Variants in RNF19A observed in about 807,000 individuals in gnomAD.
The protein encoded by RNF19A is E3 ubiquitin-protein ligase RNF19A.
A neutral mutation model predicts 75.7 loss-of-function variants in RNF19A; 32 were observed. The ratio of observed to expected loss-of-function variants is 0.42; its 90% CI spans 0.32 to 0.57. The LOEUF (loss-of-function observed/expected upper bound fraction) is 0.57, where lower values mean the gene tolerates loss of function less well. RNF19A is among the 20% of genes least tolerant of loss of function. The pLI is 0.10. For missense variants in RNF19A, 782 were observed against 1,036.3 expected (o/e 0.75, Z 3.37); for synonymous variants, 335 against 345.2 (o/e 0.97, Z 0.33).
At chr8:100,267,481 C>T (rs1272329324) in intron 5 of RNF19A, among the ~76,000 whole-genome samples, 1 of 152,020 alleles carries the variant, frequency 6.6e-6, no homozygotes, top group East Asian at 1.9e-4. Context: ...GCAATCCTCC[C>T]ACCTCAGCCT....
At chr8:100,272,008 T>C (rs1820278971) in intron 3 of RNF19A, among the ~76,000 whole-genome samples, 1 of 152,154 alleles carries the variant, frequency 6.6e-6, no homozygotes, top group Non-Finnish European at 1.5e-5. Context: ...ATATGGGCCA[T>C]TGTCATATTA....
chr8:100,310,207 C>T (rs982111044), upstream of RNF19A: 4 of 985,104 alleles, frequency 4.1e-6, no homozygotes, highest in South Asian at 4.7e-5. Flanking sequence ...TGCGTCATGG[C>T]GTCACGCCCA....
chr8:100,278,205 C>T lies in RNF19A; in HGVS notation c.675-3044G>A, dbSNP rs190673781. Among the ~76,000 whole-genome samples, 11 of 152,326 alleles carry T rather than the reference C, an allele frequency of 7.2e-5. No individual in the cohort carries two copies. In the East Asian group the frequency reaches 2.1e-3, roughly 29 times the overall value. Reference sequence around the variant, plus strand: ...GGCTTTGGCCTTGGCCTTTAGAATGCCAAATAAGCACATGGCTGCTTTGAT... The same window carrying T: ...GGCTTTGGCCTTGGCCTTTAGAATGTCAAATAAGCACATGGCTGCTTTGAT... On this transcript the variant is annotated intron_variant, in intron 2 of 9. Coordinates refer to ENST00000341084, the MANE Select transcript of RNF19A (RefSeq NM_183419.4).
chr8:100,298,954 A>T (rs1370478943), intron 1 of RNF19A, among the ~76,000 whole-genome samples: 1 of 152,230 alleles, frequency 6.6e-6, no homozygotes, highest in Non-Finnish European at 1.5e-5. Context: ...AGAGACATGT[A>T]AGTTTTTAAA....
chr8:100,330,611 G>A lies in RNF19A; in HGVS notation c.-243+5497C>T, dbSNP rs940225598. Reference sequence around the variant, plus strand: ...ATAAAGCCAACACAGAAAAGTGGGTGTTGGGGAGGGTGGAGAAAGAGAACG... The same window carrying A: ...ATAAAGCCAACACAGAAAAGTGGGTATTGGGGAGGGTGGAGAAAGAGAACG... On this transcript the variant is annotated intron_variant, in intron 1 of 3. Coordinates refer to the RNF19A transcript ENST00000519527. The surrounding 1 kb of genome is among the most constrained non-coding windows in gnomAD (Gnocchi z 4.1). 6.6e-6 allele frequency among the ~76,000 whole-genome samples: 1 copy of A among 152,238 alleles called. No individual in the cohort carries two copies. Among genetic ancestry groups the A allele is most frequent in the Non-Finnish European group, 1.5e-5 (1 of 68,050 alleles).
Position 100,261,551 on chromosome 8 carries a change from C to T in RNF19A, c.1673G>A (p.Cys558Tyr), listed in dbSNP as rs373196488. 1 of 1,613,834 alleles carries T rather than the reference C, an allele frequency of 6.2e-7. No individual in the cohort carries two copies. Among genetic ancestry groups the T allele is most frequent in the African/African-American group, 1.3e-5 (1 of 74,918 alleles). ...GSLSGSAMVNCFNRLEVQADV... is the reference protein window; with the variant it reads ...GSLSGSAMVNYFNRLEVQADV... ...AAACCAAAACACACACCTGTTAAAA[C>T]AGTTTACCATGGCACTTCCTGACAG... The change falls in exon 8 of 10, where the codon TGT becomes TAT. Residue 558 changes from cysteine to tyrosine, a missense_variant. By Grantham distance (194) the Cys-to-Tyr change is radical. Transcript: ENST00000341084. This position sits in a 1 kb window ranked among gnomAD's most constrained non-coding sequence, Gnocchi z 4.4.
At chr8:100,278,772 TA>T (rs934678270) in intron 2 of RNF19A, among the ~76,000 whole-genome samples, 1 of 151,844 alleles carries the variant, frequency 6.6e-6, no homozygotes, top group East Asian at 1.9e-4. Flanking sequence ...ATGATTTAAG[TA>T]AAAAAAATTA....
chr8:100,310,218 C>G, upstream of RNF19A: 1 of 985,236 alleles, frequency 1.0e-6, no homozygotes, highest in Non-Finnish European at 1.2e-6. Flanking sequence ...GTCACGCCCA[C>G]CGGGCCCGCT....
At chr8:100,281,727 T>C (rs560926255) in intron 2 of RNF19A, among the ~76,000 whole-genome samples, 2 of 152,226 alleles carry the variant, frequency 1.3e-5, no homozygotes, top group Non-Finnish European at 2.9e-5. Context: ...ATAAAGCTTT[T>C]AACATACCTT....
At chr8:100,266,978 CAGA>C (rs1279591795) in intron 5 of RNF19A, among the ~76,000 whole-genome samples, 9 of 152,214 alleles carry the variant, frequency 5.9e-5, no homozygotes, top group Middle Eastern at 3.4e-3. Flanking sequence ...AGCTGTTTTA[CAGA>C]AGAAGATCAA....
In RNF19A at chr8:100,259,997, C is replaced by A. The variant is rs776434417; in HGVS notation, c.1683G>T (p.Arg561Ser). The A allele has an allele frequency of 3.1e-6, 5 of 1,613,140 alleles. No homozygotes were observed. Among genetic ancestry groups the A allele is most frequent in the East Asian group, 2.2e-5 (1 of 44,860 alleles). The change falls in exon 9 of 10, where the codon AGG becomes AGT. Residue 561 changes from arginine (R) to serine (S), a missense_variant and splice_region_variant. By Grantham distance (110) the Arg-to-Ser change is moderately radical (BLOSUM62 -1). This residue lies in a region of RNF19A where 442 missense variants were observed against 541.6 expected (regional missense o/e 0.82). Transcript: ENST00000341084. The surrounding 1 kb of genome is among the most constrained non-coding windows in gnomAD (Gnocchi z 4.5). ...SGSAMVNCFN[R>S]LEVQADVQKE... is the part of the protein sequence containing the mutation. ...TCTGTACATCTGCTTGTACTTCCAACCTTAAAGGGGGGTATGAAATCACCA... is the reference window on the plus strand; with the variant it reads ...TCTGTACATCTGCTTGTACTTCCAAACTTAAAGGGGGGTATGAAATCACCA...
rs1236205042 is a variant in RNF19A, at chr8:100,269,130, GAT to G, written c.1029-185_1029-184del. Among the ~76,000 whole-genome samples the G allele has an allele frequency of 1.3e-5, 2 of 150,374 alleles. No individual in the cohort carries two copies. The highest frequency in any genetic ancestry group is 4.9e-5 in the African/African-American group (2 of 41,118). Reference sequence around the variant, plus strand: ...CTATAAATTATATTAACAAGATATTGATATATCTTATTTTATATTATATTTTA... The same window carrying G: ...CTATAAATTATATTAACAAGATATTGATATCTTATTTTATATTATATTTTA... On this transcript the variant is annotated intron_variant, in intron 4 of 9. Transcript: ENST00000341084. This position sits in a 1 kb window ranked among gnomAD's most constrained non-coding sequence, Gnocchi z 5.7.
intron 1 of RNF19A, among the ~76,000 whole-genome samples, chr8:100,307,257 A>G (rs968879811): frequency 4.6e-5 from 7 of 152,204 alleles, no homozygotes; most frequent in Admixed American, 3.3e-4. Flanking sequence ...CCGAGTAGAG[A>G]AGATATAAGT....
upstream of RNF19A, among the ~76,000 whole-genome samples, chr8:100,313,742 A>G (rs139498577): frequency 1.5e-4 from 23 of 152,276 alleles, no homozygotes; most frequent in African/African-American, 3.8e-4. Flanking sequence ...TTAAGAGGCT[A>G]TTCCAGGAAT....
At chr8:100,319,785 C>T (rs576000787) in intron 1 of RNF19A, among the ~76,000 whole-genome samples, 8 of 151,328 alleles carry the variant, frequency 5.3e-5, no homozygotes, top group African/African-American at 1.9e-4. Context: ...CTACCTCAGC[C>T]TCCCAAAGTG....
intron 1 of RNF19A, among the ~76,000 whole-genome samples, chr8:100,288,495 C>A (rs2129948531): frequency 6.6e-6 from 1 of 152,182 alleles, no homozygotes; most frequent in Admixed American, 6.5e-5. Flanking sequence ...TTTGAGCTGA[C>A]CAGAAAAAAC....
chr8:100,261,488 A>T lies in RNF19A; in HGVS notation c.1682+54T>A, dbSNP rs1005962269. ...GCTTTATGTTCAAAATTCTCACCTA[A>T]TTAATAATTTGTAGTTACCAGAAAG... On this transcript the variant is annotated intron_variant, in intron 8 of 9. Coordinates refer to ENST00000341084, the MANE Select transcript of RNF19A (RefSeq NM_183419.4). This position sits in a 1 kb window ranked among gnomAD's most constrained non-coding sequence, Gnocchi z 4.4. 8.6e-6 allele frequency: 12 copies of T among 1,397,362 alleles called. No individual in the cohort carries two copies. The highest frequency in any genetic ancestry group is 9.1e-6 in the Non-Finnish European group (9 of 984,678). 86.6% of individuals were successfully genotyped at this position (1,397,362 alleles called of 1,614,324 possible).
At position 100,271,882 on chromosome 8, in the gene RNF19A, C is replaced by T. The variant is rs78192511; in HGVS notation, c.884-1869G>A. Reference sequence around the variant, plus strand: ...TGAAATTGTTTATGGTTAGTTGATCCCCCATTCCCCAAGAATCAATTAAGC... The same window carrying T: ...TGAAATTGTTTATGGTTAGTTGATCTCCCATTCCCCAAGAATCAATTAAGC... On this transcript the variant is annotated intron_variant, in intron 3 of 9. Coordinates refer to ENST00000341084, the MANE Select transcript of RNF19A (RefSeq NM_183419.4). 6.9e-3 allele frequency among the ~76,000 whole-genome samples: 1,045 copies of T among 152,186 alleles called. 16 individuals are homozygous for T. The highest frequency in any genetic ancestry group is 0.024 in the African/African-American group (985 of 41,522).
chr8:100,320,344 GA>G lies in RNF19A; in HGVS notation c.-242-6973del, dbSNP rs1384010472. The stretch of plus-strand genomic sequence containing the variant: ...CAAGATCTACCCATGTTGATACATG[GA>G]AATTTAGTTTATTCATTTTGACTGC... On this transcript the variant is annotated intron_variant, in intron 1 of 3. Transcript: ENST00000519527. Among the ~76,000 whole-genome samples the G allele has an allele frequency of 7.9e-5, 12 of 152,220 alleles. 1 individual carries two copies. The highest frequency in any genetic ancestry group is 6.5e-4 in the Admixed American group (10 of 15,282).
Sources: allele counts gnomAD v4.1 joint callset (sites outside exome capture counted in the v4.1 genomes callset), GRCh38; gene constraint gnomAD v4.1.1; regional missense constraint gnomAD v4.1.1; non-coding constraint Gnocchi (gnomAD v3.1); transcripts MANE v1.5; gene names NCBI Gene and HGNC (gene_info 2026-07-23, HGNC 2026-07-21).